SMC1B: variants seen among roughly 807,000 people sequenced by gnomAD.
The protein encoded by SMC1B is structural maintenance of chromosomes 1B.
Under a neutral mutation model 157.9 loss-of-function variants are expected in SMC1B, and 60 were observed. That is an observed-to-expected ratio of 0.38 (90% CI 0.31 to 0.47). SMC1B has a LOEUF of 0.47. Ranked by LOEUF, SMC1B falls within the 20% of genes least tolerant of loss-of-function variation. The probability of loss-of-function intolerance (pLI) is 0.99; values close to 1 mark genes in which losing one functional copy is unlikely to be tolerated. For missense variants in SMC1B, 1,165 were observed against 1,426.2 expected (o/e 0.82, Z 2.95); for synonymous variants, 445 against 483.0 (o/e 0.92, Z 1.03).
chr22:45,351,487 G>GT (rs2086614679), intron 22 of SMC1B, among the ~76,000 whole-genome samples: 1 of 152,126 alleles, frequency 6.6e-6, no homozygotes, highest in South Asian at 2.1e-4. Flanking sequence ...TCAAACTCTT[G>GT]TATGTTTTTG....
rs2086726424 is a variant in SMC1B, at chr22:45,361,987, G to C, written c.2563-3C>G. The C allele has an allele frequency of 1.9e-6, 3 of 1,612,148 alleles. No individual in the cohort carries two copies. In the South Asian group the frequency reaches 3.3e-5, roughly 18 times the overall value. On this transcript the variant is annotated splice_polypyrimidine_tract_variant and splice_region_variant and intron_variant, in intron 16 of 24. Transcript: ENST00000357450. ...GTCTGCAGACAGTTTTCTTCAGCCT[G>C]AACAGAGAGGATCTGCATTGTAGAT... is the stretch of plus-strand genomic sequence containing the variant.
chr22:45,406,861 T>G lies in SMC1B; in HGVS notation c.303A>C (p.Gly101=). 1 of 1,561,492 alleles carries G rather than the reference T, an allele frequency of 6.4e-7. No homozygotes were observed. Among genetic ancestry groups the G allele is most frequent in the Non-Finnish European group, 8.6e-7 (1 of 1,162,410 alleles). ...EKTFARIIRG[G]CSEFRFNDNL... is the part of the protein sequence containing the mutation. Reference sequence around the variant, plus strand: ...TATCATTAAAGCGAAATTCTGAGCATCCCCCTAAAATAAAAAAATAAACCC... The same window carrying G: ...TATCATTAAAGCGAAATTCTGAGCAGCCCCCTAAAATAAAAAAATAAACCC... Residue 101 remains glycine, a synonymous_variant, in exon 3 of 25, where the codon GGA becomes GGC. Transcript: ENST00000357450.
chr22:45,408,921 C>T, intron 1 of SMC1B, 23 bp from the exon 2 acceptor site: 3 of 1,395,016 alleles, frequency 2.2e-6, no homozygotes, highest in Non-Finnish European at 1.9e-6. Context: ...AGAGATAAAA[C>T]ATTATTCATT....
At chr22:45,400,639 C>T (rs905176330) in intron 5 of SMC1B, among the ~76,000 whole-genome samples, 1 of 152,210 alleles carries the variant, frequency 6.6e-6, no homozygotes, top group South Asian at 2.1e-4. Flanking sequence ...GTGGGCTAAG[C>T]ATAGTGACTT....
intron 23 of SMC1B, among the ~76,000 whole-genome samples, chr22:45,346,233 T>C (rs1342110468): frequency 6.6e-6 from 1 of 152,108 alleles, no homozygotes; most frequent in East Asian, 1.9e-4. Flanking sequence ...AAATCCAAAA[T>C]AATTTCCACC....
intron 15 of SMC1B, 68 bp downstream of exon 15, chr22:45,369,886 A>T (rs1466543574): frequency 1.1e-6 from 1 of 938,278 alleles, no homozygotes; most frequent in East Asian, 2.9e-5. Flanking sequence ...TAATTCCTCT[A>T]AATTATGAAA....
At chr22:45,364,451 C>T (rs1283214352) in intron 15 of SMC1B, among the ~76,000 whole-genome samples, 2 of 152,192 alleles carry the variant, frequency 1.3e-5, no homozygotes, top group East Asian at 3.9e-4. Context: ...CATGAATTAA[C>T]TTACAAGTTT....
At chr22:45,372,041 T>A in intron 13 of SMC1B, 114 bp downstream of exon 13, 1 of 900,322 alleles carries the variant, frequency 1.1e-6, no homozygotes, top group Non-Finnish European at 1.6e-6. Context: ...AGAGACTCTG[T>A]CTCAGGAAAA....
chr22:45,369,591 G>A (rs1182790178), intron 15 of SMC1B, among the ~76,000 whole-genome samples: 1 of 141,350 alleles, frequency 7.1e-6, no homozygotes, highest in Non-Finnish European at 1.5e-5. Flanking sequence ...CGTCCAGGCT[G>A]GAGTGCAGTG....
rs1391221684 is a variant in SMC1B at position 45,344,167 on chromosome 22, T to C, written c.*389A>G. On this transcript the variant is annotated 3_prime_UTR_variant, in exon 25 of 25. Transcript: ENST00000357450. ...AACAGTTTATTAACAATCTTATAAC[T>C]AGTATGTTTAAAAACCAAGAGAAGT... 4.5e-5 allele frequency: 7 copies of C among 154,028 alleles called. No individual in the cohort carries two copies. Among genetic ancestry groups the C allele is most frequent in the African/African-American group, 1.7e-4 (7 of 41,540 alleles). The allele number at this position is 154,028 out of a possible 1,614,324, so 9.5% of individuals were successfully genotyped here.
At chr22:45,360,710 C>T (rs184869909) in intron 17 of SMC1B, among the ~76,000 whole-genome samples, 54 of 152,034 alleles carry the variant, frequency 3.6e-4, no homozygotes, top group African/African-American at 1.3e-3. Context: ...CAAGAGTAAA[C>T]GGACTTTAAT....
At position 45,402,528 on chromosome 22, in the gene SMC1B, T is replaced by C; in HGVS notation, c.659A>G (p.Lys220Arg). The part of the protein sequence containing the change: ...QSLLEELKMN[K>R]IQLQLFQLYH... ...TAGTTGAAAAAGCTGCAGTTGTATC[T>C]TGTTCATTTTCAGTTCTTCAAGGAG... The change falls in exon 5 of 25, where the codon AAG (lysine) becomes AGG (arginine). Residue 220 changes from lysine to arginine, a missense_variant. By Grantham distance (26) the Lys-to-Arg change is conservative. Coordinates refer to ENST00000357450, the MANE Select transcript of SMC1B (RefSeq NM_148674.5). The C allele has an allele frequency of 6.2e-7, 1 of 1,613,926 alleles. No homozygotes were observed. The highest frequency in any genetic ancestry group is 1.3e-5 in the African/African-American group (1 of 75,038).
At chr22:45,371,143 A>G (rs2086826998) in intron 14 of SMC1B, among the ~76,000 whole-genome samples, 1 of 152,234 alleles carries the variant, frequency 6.6e-6, no homozygotes, top group Non-Finnish European at 1.5e-5. Context: ...TAACCTTAAA[A>G]GATAAGCTGA....
intron 12 of SMC1B, among the ~76,000 whole-genome samples, chr22:45,375,008 G>T (rs2086871041): frequency 6.6e-6 from 1 of 152,024 alleles, no homozygotes; most frequent in African/African-American, 2.4e-5. Flanking sequence ...AAAAAGAAAA[G>T]GGGGGAAATG....
chr22:45,368,405 G>C (rs1324819348), intron 15 of SMC1B, among the ~76,000 whole-genome samples: 1 of 151,542 alleles, frequency 6.6e-6, no homozygotes, highest in Non-Finnish European at 1.5e-5. Context: ...TTATTTATAG[G>C]TGACATTGAT....
chr22:45,381,523 A>G (rs751417586), intron 12 of SMC1B, among the ~76,000 whole-genome samples: 3 of 152,152 alleles, frequency 2.0e-5, no homozygotes, highest in Non-Finnish European at 4.4e-5. Context: ...CAAATGTTTA[A>G]CTTACCCCCA....
intron 15 of SMC1B, among the ~76,000 whole-genome samples, chr22:45,364,126 G>A (rs2086749127): frequency 1.3e-5 from 2 of 152,142 alleles, no homozygotes; most frequent in Admixed American, 1.3e-4. Flanking sequence ...TGGAATTACA[G>A]GCATGAGCCA....
At chr22:45,411,199 T>G (rs1602104187) in intron 1 of SMC1B, among the ~76,000 whole-genome samples, 1 of 91,082 alleles carries the variant, frequency 1.1e-5, no homozygotes, top group East Asian at 3.6e-4. Flanking sequence ...ACCCAAACTA[T>G]CAACTGATGG....
intron 23 of SMC1B, among the ~76,000 whole-genome samples, chr22:45,346,347 A>G (rs1375841337): frequency 6.6e-6 from 1 of 152,226 alleles, no homozygotes; most frequent in Non-Finnish European, 1.5e-5. Flanking sequence ...CTGGTTCCCT[A>G]AGGAAGCTCA....
Sources: allele counts gnomAD v4.1 joint callset (sites outside exome capture counted in the v4.1 genomes callset), GRCh38; gene constraint gnomAD v4.1.1; transcripts MANE v1.5; gene names NCBI Gene and HGNC (gene_info 2026-07-23, HGNC 2026-07-21).